Variants in ZNF706 observed in about 807,000 individuals in gnomAD.
ZNF706 encodes zinc finger protein 706.
ZNF706 carries 4 observed loss-of-function variants against 9.2 expected under a neutral mutation model. That is an observed-to-expected ratio of 0.43 (90% confidence interval 0.21 to 0.99). The LOEUF (loss-of-function observed/expected upper bound fraction) is 0.99. Among genes scored for constraint, ZNF706 ranks in the 50% least tolerant of loss-of-function variants. The pLI is 0.26. For synonymous variants in ZNF706, 28 were observed against 27.3 expected (o/e 1.03, Z -0.08); for missense variants, 27 against 87.8 (o/e 0.31, Z 2.77).
intron 2 of ZNF706, among the ~76,000 whole-genome samples, chr8:101,200,569 A>G (rs1810521690): frequency 6.6e-6 from 1 of 152,188 alleles, no homozygotes; most frequent in Non-Finnish European, 1.5e-5. Flanking sequence ...TCAATTATTT[A>G]TTCTTAACCC....
At chr8:101,199,530 T>C (rs1178774858) in intron 3 of ZNF706, among the ~76,000 whole-genome samples, 2 of 152,300 alleles carry the variant, frequency 1.3e-5, no homozygotes, top group Admixed American at 1.3e-4. Flanking sequence ...ATAGCACATA[T>C]CTACATCTAC....
At chr8:101,202,444 G>A (rs1810596013) in intron 1 of ZNF706, 1 of 152,128 alleles carries the variant, frequency 6.6e-6, no homozygotes, top group African/African-American at 2.4e-5. Context: ...GCGACAGTGA[G>A]ACTCTGGTCT....
rs1442093541 is a variant in ZNF706, at chr8:101,198,397, C to G, written c.*855G>C. 1 of 152,138 alleles carries G rather than the reference C, an allele frequency of 6.6e-6. No individual in the cohort carries two copies. The highest frequency in any genetic ancestry group is 2.4e-5 in the African/African-American group (1 of 41,440). 9.4% of individuals were successfully genotyped at this position (152,138 alleles called of 1,614,324 possible). On this transcript the variant is annotated 3_prime_UTR_variant, in exon 4 of 4. Transcript: ENST00000311212. ...CCAAAAACCTCAAAAATTAATGTTT[C>G]AATTTCAAATTAAAGAACTTCAAGA...
In ZNF706 at chr8:101,200,399, C is replaced by T. The variant is rs139763754; in HGVS notation, c.136-302G>A. On this transcript the variant is annotated intron_variant, in intron 2 of 3. Coordinates refer to ENST00000311212, the MANE Select transcript of ZNF706 (RefSeq NM_016096.5). ...ATTAAGCATGTTACCTTAATTCCCA[C>T]AGAACCTTCAAAGTAATCTTTAGCT... is the stretch of plus-strand genomic sequence containing the variant. The T allele has an allele frequency of 2.6e-4, 61 of 235,540 alleles. No homozygotes were observed. The East Asian group carries it at 5.0e-3, about 19-fold the overall frequency. 14.6% of individuals were successfully genotyped at this position (235,540 alleles called of 1,614,324 possible).
At chr8:101,203,511 C>T (rs1810639669) in intron 1 of ZNF706, 1 of 151,844 alleles carries the variant, frequency 6.6e-6, no homozygotes, top group Admixed American at 6.6e-5. Flanking sequence ...TCCTGTTCCC[C>T]AAAAAAGGAA....
chr8:101,198,526 C>T lies in ZNF706; in HGVS notation c.*726G>A, dbSNP rs910105160. On this transcript the variant is annotated 3_prime_UTR_variant, in exon 4 of 4. Coordinates refer to ENST00000311212, the MANE Select transcript of ZNF706 (RefSeq NM_016096.5). ...AATGATTATTTCATTACGGCATATACATTAGAACCTAACCTTTCACAAGGG... is the reference window on the plus strand; with the variant it reads ...AATGATTATTTCATTACGGCATATATATTAGAACCTAACCTTTCACAAGGG... 4 of 152,144 alleles carry T rather than the reference C, an allele frequency of 2.6e-5. No homozygotes were observed. Among genetic ancestry groups the T allele is most frequent in the African/African-American group, 4.8e-5 (2 of 41,418 alleles). 9.4% of individuals were successfully genotyped at this position (152,144 alleles called of 1,614,324 possible). A position where few individuals can be genotyped will look rare whatever the true frequency, so the allele number is the denominator to read the frequency against.
chr8:101,206,127 C>T (rs1039876975), upstream of ZNF706: 3 of 152,238 alleles, frequency 2.0e-5, no homozygotes, highest in South Asian at 2.1e-4. Context: ...GGGAGCGGAT[C>T]GCGGGGCCGC....
In ZNF706 at chr8:101,198,810, G is replaced by A. The variant is rs1184705679; in HGVS notation, c.*442C>T. 1 of 158,760 alleles carries A rather than the reference G, an allele frequency of 6.3e-6. No homozygotes were observed. The highest frequency in any genetic ancestry group is 2.4e-5 in the African/African-American group (1 of 41,640). The allele number at this position is 158,760 out of a possible 1,614,324, so 9.8% of individuals were successfully genotyped here. ...CTGCTCTAGTTTAACTGAGGAACCTGCCACTGAGCAGAGAAAGGGATATAA... is the reference window on the plus strand; with the variant it reads ...CTGCTCTAGTTTAACTGAGGAACCTACCACTGAGCAGAGAAAGGGATATAA... On this transcript the variant is annotated 3_prime_UTR_variant, in exon 4 of 4. Coordinates refer to ENST00000311212, the MANE Select transcript of ZNF706 (RefSeq NM_016096.5).
chr8:101,201,821 A>C lies in ZNF706; in HGVS notation c.-2-78T>G. 2 of 1,433,694 alleles carry C rather than the reference A, an allele frequency of 1.4e-6. No homozygotes were observed. Among genetic ancestry groups the C allele is most frequent in the Non-Finnish European group, 1.9e-6 (2 of 1,053,778 alleles). 88.8% of individuals were successfully genotyped at this position (1,433,694 alleles called of 1,614,324 possible). A position where few individuals can be genotyped will look rare whatever the true frequency, so the allele number is the denominator to read the frequency against. ...AATCAAAGCATAAGAACGTTCTTAG[A>C]ATTGAAGCCTTAAGTTTTATAGAAA... is the stretch of plus-strand genomic sequence containing the variant. On this transcript the variant is annotated intron_variant, in intron 1 of 3. Transcript: ENST00000311212. The surrounding 1 kb of genome is among the most constrained non-coding windows in gnomAD (Gnocchi z 4.5).
intron 2 of ZNF706, among the ~76,000 whole-genome samples, chr8:101,200,491 T>C (rs1216746860): frequency 1.3e-5 from 2 of 152,166 alleles, no homozygotes; most frequent in African/African-American, 2.4e-5. Context: ...AAGACCTTAT[T>C]TTAACTTAGT....
At chr8:101,204,177 G>C (rs1810666561) in intron 1 of ZNF706, 1 of 152,208 alleles carries the variant, frequency 6.6e-6, no homozygotes, top group African/African-American at 2.4e-5. Flanking sequence ...CTTTCTAGAA[G>C]TTACTAGCTA....
rs1189060377 is a variant in ZNF706, at chr8:101,198,883, G to T, written c.*369C>A. On this transcript the variant is annotated 3_prime_UTR_variant, in exon 4 of 4. Coordinates refer to ENST00000311212, the MANE Select transcript of ZNF706 (RefSeq NM_016096.5). ...TGATGAATTCATTAGATTTTTATAA[G>T]GCAAATAATGTGGAAAGTTAGAACA... is the stretch of plus-strand genomic sequence containing the variant. 2 of 205,782 alleles carry T rather than the reference G, an allele frequency of 9.7e-6. No homozygotes were observed. The highest frequency in any genetic ancestry group is 1.9e-5 in the Non-Finnish European group (2 of 103,500). The allele number at this position is 205,782 out of a possible 1,614,324, so 12.7% of individuals were successfully genotyped here. A position where few individuals can be genotyped will look rare whatever the true frequency, so the allele number is the denominator to read the frequency against.
chr8:101,200,170 G>C (rs2232687), intron 2 of ZNF706, 73 bp from the exon 3 acceptor site: 20,430 of 1,240,764 alleles, frequency 0.016, 528 homozygotes, highest in African/African-American at 0.12. Context: ...TTAGAATCCT[G>C]AACCTTCTCA....
chr8:101,199,387 T>C (rs1810476621), intron 3 of ZNF706, 148 bp from the exon 4 acceptor site: 2 of 571,798 alleles, frequency 3.5e-6, no homozygotes, highest in Admixed American at 5.9e-5. Flanking sequence ...CTGAAGAATT[T>C]ATTTTAAAAA....
At position 101,198,396 on chromosome 8, in the gene ZNF706, T is replaced by A. The variant is rs1333247503; in HGVS notation, c.*856A>T. 1 of 152,182 alleles carries A rather than the reference T, an allele frequency of 6.6e-6. No individual in the cohort carries two copies. Among genetic ancestry groups the A allele is most frequent in the African/African-American group, 2.4e-5 (1 of 41,448 alleles). The allele number at this position is 152,182 out of a possible 1,614,324, so 9.4% of individuals were successfully genotyped here. A position where few individuals can be genotyped will look rare whatever the true frequency, so the allele number is the denominator to read the frequency against. ...TCCAAAAACCTCAAAAATTAATGTT[T>A]CAATTTCAAATTAAAGAACTTCAAG... On this transcript the variant is annotated 3_prime_UTR_variant, in exon 4 of 4. Coordinates refer to ENST00000311212, the MANE Select transcript of ZNF706 (RefSeq NM_016096.5).
Position 101,201,540 on chromosome 8 carries a change from A to C in ZNF706, c.135+67T>G. 1 of 1,466,910 alleles carries C rather than the reference A, an allele frequency of 6.8e-7. No homozygotes were observed. The highest frequency in any genetic ancestry group is 2.3e-5 in the East Asian group (1 of 43,048). 90.9% of individuals were successfully genotyped at this position (1,466,910 alleles called of 1,614,324 possible). Reference sequence around the variant, plus strand: ...AGCATCTATTTTGCCATGGTTTCAAAATTTTAATCTATTCAAGCCAAAACT... The same window carrying C: ...AGCATCTATTTTGCCATGGTTTCAACATTTTAATCTATTCAAGCCAAAACT... On this transcript the variant is annotated intron_variant, in intron 2 of 3. Coordinates refer to ENST00000311212, the MANE Select transcript of ZNF706 (RefSeq NM_016096.5). This position sits in a 1 kb window ranked among gnomAD's most constrained non-coding sequence, Gnocchi z 4.5.
Position 101,201,804 on chromosome 8 carries a change from CA to C in ZNF706, c.-2-62del. 6.5e-7 allele frequency: 1 copy of C among 1,531,706 alleles called. No individual in the cohort carries two copies. The highest frequency in any genetic ancestry group is 8.9e-7 in the Non-Finnish European group (1 of 1,127,640). The allele number at this position is 1,531,706 out of a possible 1,614,324, so 94.9% of individuals were successfully genotyped here. On this transcript the variant is annotated intron_variant, in intron 1 of 3. Coordinates refer to ENST00000311212, the MANE Select transcript of ZNF706 (RefSeq NM_016096.5). This position sits in a 1 kb window ranked among gnomAD's most constrained non-coding sequence, Gnocchi z 4.5. Reference sequence around the variant, plus strand: ...TTACTCTAATACAGAGTAATCAAAGCATAAGAACGTTCTTAGAATTGAAGCC... The same window carrying C: ...TTACTCTAATACAGAGTAATCAAAGCTAAGAACGTTCTTAGAATTGAAGCC...
In ZNF706 at chr8:101,198,840, T is replaced by G; in HGVS notation, c.*412A>C. 5.9e-6 allele frequency: 1 copy of G among 169,696 alleles called. No individual in the cohort carries two copies. The highest frequency in any genetic ancestry group is 1.3e-5 in the Non-Finnish European group (1 of 79,446). 10.5% of individuals were successfully genotyped at this position (169,696 alleles called of 1,614,324 possible). On this transcript the variant is annotated 3_prime_UTR_variant, in exon 4 of 4. Transcript: ENST00000311212. ...TGAGCAGAGAAAGGGATATAAGAAT[T>G]GCACTTGCAATTCTAGCTGATGAAT...
chr8:101,200,801 T>C (rs1250997160), intron 2 of ZNF706: 2 of 154,294 alleles, frequency 1.3e-5, no homozygotes, highest in East Asian at 1.9e-4. Flanking sequence ...TGCCACTCAC[T>C]AACTTCAAGG....
Sources: gnomAD v4.1 joint callset for allele counts (sites outside exome capture counted in the v4.1 genomes callset) on GRCh38, gnomAD v4.1.1 for gene constraint, Gnocchi (gnomAD v3.1) non-coding constraint, MANE v1.5 for transcripts, NCBI Gene and HGNC (gene_info 2026-07-23, HGNC 2026-07-21) for gene names.